The following CSMD3 variants were observed in gnomAD, a reference collection of about 807,000 sequenced individuals.
CSMD3 encodes the protein CUB and Sushi multiple domains 3.
A neutral mutation model predicts 435.2 loss-of-function variants in CSMD3; 177 were observed. The observed-to-expected ratio is 0.41, with a 90% confidence interval of 0.36 to 0.46. The LOEUF is 0.46. Among genes scored for constraint, CSMD3 ranks in the 20% least tolerant of loss-of-function variants. The pLI is 0.34. For missense variants in CSMD3, 4,265 were observed against 4,504.6 expected, an observed-to-expected ratio of 0.95 and a Z score of 1.52; for synonymous variants, 1,656 against 1,520.5, an observed-to-expected ratio of 1.09 and a Z score of -2.07.
intron 5 of CSMD3, among the ~76,000 whole-genome samples, chr8:113,057,777 T>C (rs1450904793): frequency 2.0e-5 from 3 of 151,948 alleles, no homozygotes; most frequent in Non-Finnish European, 4.4e-5. Context: ...ATCAGATGGC[T>C]TCAAAATAAT....
At chr8:112,772,074 G>GA (rs1031382963) in intron 13 of CSMD3, among the ~76,000 whole-genome samples, 1 of 151,886 alleles carries the variant, frequency 6.6e-6, no homozygotes, top group African/African-American at 2.4e-5. Context: ...GAAAGATACA[G>GA]AAAAAATGAC....
Position 112,408,562 on chromosome 8 carries a change from T to G in CSMD3, c.5510-149A>C, listed in dbSNP as rs1452157663. On this transcript the variant is annotated intron_variant, in intron 33 of 70. Coordinates refer to ENST00000297405, the MANE Select transcript of CSMD3 (RefSeq NM_198123.2). ...AAATATCCTACAACTACCAATATAT[T>G]TCCTTTGGGTTCAACTTGTATTGCA... The G allele has an allele frequency of 4.4e-6, 3 of 676,904 alleles. No individual in the cohort carries two copies. The Admixed American group carries it at 7.1e-5, about 16-fold the overall frequency. 41.9% of individuals were successfully genotyped at this position (676,904 alleles called of 1,614,324 possible). A position where few individuals can be genotyped will look rare whatever the true frequency, so the allele number is the denominator to read the frequency against.
intron 13 of CSMD3, among the ~76,000 whole-genome samples, chr8:112,751,562 A>C (rs1003204197): frequency 4.0e-5 from 6 of 150,312 alleles, no homozygotes; most frequent in African/African-American, 7.3e-5. Flanking sequence ...ATTCTTATGG[A>C]TCTGATTTTC....
At chr8:112,515,299 T>C (rs1823554200) in intron 28 of CSMD3, among the ~76,000 whole-genome samples, 1 of 152,108 alleles carries the variant, frequency 6.6e-6, no homozygotes. Flanking sequence ...AGCAAGAAGT[T>C]CTACAGTAAG....
chr8:112,850,508 G>A (rs2080454797), intron 11 of CSMD3, among the ~76,000 whole-genome samples: 1 of 152,126 alleles, frequency 6.6e-6, no homozygotes, highest in South Asian at 2.1e-4. Context: ...AATGTTGGTT[G>A]ATATTTAATT....
At chr8:112,613,474 T>C (rs1244735700) in intron 22 of CSMD3, among the ~76,000 whole-genome samples, 1 of 152,170 alleles carries the variant, frequency 6.6e-6, no homozygotes, top group East Asian at 1.9e-4. Context: ...TTTCAATTTA[T>C]GTAAATAACT....
At chr8:112,453,523 A>G (rs1816513659) in intron 32 of CSMD3, among the ~76,000 whole-genome samples, 1 of 152,126 alleles carries the variant, frequency 6.6e-6, no homozygotes, top group South Asian at 2.1e-4. Context: ...ATAGCCACAA[A>G]ACAAATAAAA....
At chr8:112,932,596 C>A (rs1379309287) in intron 9 of CSMD3, among the ~76,000 whole-genome samples, 1 of 151,704 alleles carries the variant, frequency 6.6e-6, no homozygotes, top group Non-Finnish European at 1.5e-5. Context: ...CGAGATTGTG[C>A]CACTGCACTC....
intron 3 of CSMD3, among the ~76,000 whole-genome samples, chr8:113,276,835 T>C (rs1321899557): frequency 6.6e-6 from 1 of 152,080 alleles, no homozygotes; most frequent in African/African-American, 2.4e-5. Context: ...AAGTATCCTA[T>C]ATTTTAAGTC....
intron 70 of CSMD3, among the ~76,000 whole-genome samples, chr8:112,227,914 T>C (rs550478636): frequency 2.8e-4 from 43 of 151,930 alleles, no homozygotes; most frequent in East Asian, 5.8e-4. Context: ...TGATGGCGGG[T>C]ACCTGTAGTC....
intron 4 of CSMD3, among the ~76,000 whole-genome samples, chr8:113,105,113 TTTAAA>T (rs1244878172): frequency 2.0e-5 from 3 of 151,960 alleles, no homozygotes; most frequent in Non-Finnish European, 2.9e-5. Flanking sequence ...GAAAAAAATA[TTTAAA>T]TTAAATCAAG....
chr8:112,705,749 G>T (rs1247376451), intron 13 of CSMD3, among the ~76,000 whole-genome samples: 1 of 151,970 alleles, frequency 6.6e-6, no homozygotes, highest in Non-Finnish European at 1.5e-5. Flanking sequence ...CATTTTTCAA[G>T]ATAAAAAATG....
At chr8:113,200,089 G>T (rs992771528) in intron 3 of CSMD3, among the ~76,000 whole-genome samples, 2 of 151,702 alleles carry the variant, frequency 1.3e-5, no homozygotes, top group Admixed American at 6.6e-5. Context: ...ATCCAAAATG[G>T]GCTTCATGCT....
intron 67 of CSMD3, among the ~76,000 whole-genome samples, chr8:112,234,906 A>G (rs763508702): frequency 6.6e-6 from 1 of 152,202 alleles, no homozygotes; most frequent in South Asian, 2.1e-4. Flanking sequence ...GTGCTGCTTG[A>G]GCCACAAAGA....
In CSMD3 at chr8:112,877,246, TA is replaced by T. The variant is rs989986344; in HGVS notation, c.1634-17981del. On this transcript the variant is annotated intron_variant, in intron 10 of 70. Transcript: ENST00000297405. The stretch of plus-strand genomic sequence containing the variant: ...CTACCATTGACTTTCTTCACAGAAT[TA>T]AAAAAAACTACTTTAAATTTCTTTT... Among the ~76,000 whole-genome samples the T allele has an allele frequency of 3.3e-5, 5 of 151,400 alleles. No individual in the cohort carries two copies. The East Asian group carries it at 5.8e-4, about 18-fold the overall frequency.
intron 4 of CSMD3, among the ~76,000 whole-genome samples, chr8:113,110,228 T>C (rs1186237328): frequency 6.6e-6 from 1 of 152,212 alleles, no homozygotes; most frequent in Admixed American, 6.5e-5. Context: ...TTTTTTATAA[T>C]ATGGACAGTT....
At chr8:113,020,636 G>A (rs1402592344) in intron 5 of CSMD3, among the ~76,000 whole-genome samples, 1 of 151,880 alleles carries the variant, frequency 6.6e-6, no homozygotes. Context: ...CAGATTAAGA[G>A]TTTCAGATTA....
At chr8:113,122,311 T>C (rs999011066) in intron 4 of CSMD3, among the ~76,000 whole-genome samples, 1 of 152,084 alleles carries the variant, frequency 6.6e-6, no homozygotes, top group African/African-American at 2.4e-5. Context: ...AATTACACTA[T>C]GAAAAAGTAG....
chr8:112,657,061 CTTTTTTTTTT>C (rs11387284), intron 17 of CSMD3, among the ~76,000 whole-genome samples: 1 of 131,634 alleles, frequency 7.6e-6, no homozygotes, highest in Non-Finnish European at 1.6e-5. Flanking sequence ...TTTCTTTTTA[CTTTTTTTTTT>C]TTTTTTTTTG....
Sources: allele counts gnomAD v4.1 joint callset (sites outside exome capture counted in the v4.1 genomes callset), GRCh38; gene constraint gnomAD v4.1.1; transcripts MANE v1.5; gene names NCBI Gene and HGNC (gene_info 2026-07-23, HGNC 2026-07-21).